Variants in ZFHX3 observed in about 807,000 individuals in gnomAD.
The protein encoded by ZFHX3 is zinc finger homeobox protein 3.
In ZFHX3, 42 loss-of-function variants were observed where a neutral mutation model predicts 279.1. The ratio of observed to expected loss-of-function variants is 0.15; its 90% CI spans 0.12 to 0.19. The LOEUF is 0.19. Among genes scored for constraint, ZFHX3 ranks in the 10% least tolerant of loss-of-function variants. The probability of loss-of-function intolerance (pLI) is 1.00; values close to 1 mark genes in which losing one functional copy is unlikely to be tolerated. For synonymous variants in ZFHX3, 2,293 were observed against 1,957.8 expected, an observed-to-expected ratio of 1.17 and a Z score of -4.52; for missense variants, 4,981 against 4,754.0, an observed-to-expected ratio of 1.05 and a Z score of -1.40.
chr16:73,549,710 C>G (rs2020174925), intron 2 of ZFHX3, among the ~76,000 whole-genome samples: 1 of 152,138 alleles, frequency 6.6e-6, no homozygotes, highest in African/African-American at 2.4e-5. Context: ...CAGAAAATGC[C>G]CCGGGTCTCC....
intron 3 of ZFHX3, among the ~76,000 whole-genome samples, chr16:73,350,835 T>C (rs937104156): frequency 2.0e-5 from 3 of 152,110 alleles, no homozygotes. Context: ...AGAAATCTCT[T>C]TGTAGGGAAG....
intron 1 of ZFHX3, among the ~76,000 whole-genome samples, chr16:73,816,601 G>A (rs1047491757): frequency 6.7e-6 from 1 of 149,722 alleles, no homozygotes; most frequent in Non-Finnish European, 1.5e-5. Flanking sequence ...ATCCAAAAAA[G>A]GCTGAACAAA....
rs1276365215 is a variant in ZFHX3 at position 72,796,950 on chromosome 16, T to C, written c.5732A>G (p.Asp1911Gly). The C allele has an allele frequency of 6.2e-7, 1 of 1,613,952 alleles. No individual in the cohort carries two copies. Among genetic ancestry groups the C allele is most frequent in the Non-Finnish European group, 8.5e-7 (1 of 1,180,020 alleles). The change falls in exon 9 of 10, where the codon GAT becomes GGT. Residue 1911 changes from aspartate (D) to glycine (G), a missense_variant. Asp to Gly is a moderately conservative substitution (Grantham distance 94). This residue lies in a region of ZFHX3 where 1,751 missense variants were observed against 1,770.0 expected (regional missense o/e 0.99). Transcript: ENST00000268489. ...GNTGPKETLP[D>G]ALKAKEKKEL... ...TTTCTTCTCTTTGGCCTTCAAGGCA[T>C]CTGGCAGTGTTTCCTTCGGACCGGT... is the stretch of plus-strand genomic sequence containing the variant.
At chr16:73,537,760 G>C (rs2019932870) in intron 2 of ZFHX3, among the ~76,000 whole-genome samples, 1 of 152,198 alleles carries the variant, frequency 6.6e-6, no homozygotes. Flanking sequence ...ATGAAAAGAT[G>C]CTGGTGCCAC....
intron 3 of ZFHX3, among the ~76,000 whole-genome samples, chr16:73,325,890 T>TACACACACACAAACACACAC (rs2015671068): frequency 2.9e-5 from 3 of 104,424 alleles, no homozygotes; most frequent in African/African-American, 9.3e-5. Context: ...GGTCTAATAA[T>TACACACACACAAACACACAC]ACACACACAC....
chr16:73,489,784 A>G (rs1033832767), intron 2 of ZFHX3, among the ~76,000 whole-genome samples: 2 of 152,194 alleles, frequency 1.3e-5, no homozygotes, highest in African/African-American at 4.8e-5. Context: ...TGCTTAAAAC[A>G]ATTTTTCTCT....
intron 1 of ZFHX3, among the ~76,000 whole-genome samples, chr16:73,762,197 GAAGATATTTATGTGGCCA>G (rs1392682388): frequency 6.6e-6 from 1 of 150,760 alleles, no homozygotes; most frequent in African/African-American, 2.4e-5. Context: ...CTTCTCCAAA[GAAGATATTTATGTGGCCA>G]ACAAACATAT....
At chr16:73,719,798 TAATTTTGTATTTTTAGTAGAGACAGG>T (rs1159108928) in intron 1 of ZFHX3, among the ~76,000 whole-genome samples, 1 of 7,638 alleles carries the variant, frequency 1.3e-4, no homozygotes, top group East Asian at 6.3e-3. Context: ...CAAGCCCAGC[TAATTTTGTATTTTTAGTAGAGACAGG>T]GTTTCTCCGT....
upstream of ZFHX3, among the ~76,000 whole-genome samples, chr16:73,050,853 G>A (rs1361725607): frequency 2.0e-5 from 3 of 152,160 alleles, no homozygotes; most frequent in Admixed American, 1.3e-4. Context: ...GGCAACAGCC[G>A]AAAGGATAAA....
At chr16:73,280,454 T>C (rs564657116) in intron 4 of ZFHX3, among the ~76,000 whole-genome samples, 1 of 152,074 alleles carries the variant, frequency 6.6e-6, no homozygotes, top group South Asian at 2.1e-4. Context: ...AGGAACTAAG[T>C]TGACATTTCT....
At chr16:73,622,565 A>AAAAG (rs143963139) in intron 2 of ZFHX3, among the ~76,000 whole-genome samples, 12,426 of 151,326 alleles carry the variant, frequency 0.082, 1,664 homozygotes, top group African/African-American at 0.28. Context: ...CTGTCTCCAA[A>AAAAG]AAAGAAAGAA....
chr16:73,451,860 G>C (rs917730395), intron 3 of ZFHX3, among the ~76,000 whole-genome samples: 2 of 152,174 alleles, frequency 1.3e-5, no homozygotes. Flanking sequence ...TGTTCCATGT[G>C]ATAAACACAA....
intron 3 of ZFHX3, among the ~76,000 whole-genome samples, chr16:73,429,948 T>C (rs1224752509): frequency 6.6e-6 from 1 of 152,176 alleles, no homozygotes; most frequent in African/African-American, 2.4e-5. Context: ...AGCGCAGTAG[T>C]GTGATCTCTG....
intron 8 of ZFHX3, among the ~76,000 whole-genome samples, chr16:73,080,338 C>T (rs1965929288): frequency 6.6e-6 from 1 of 152,160 alleles, no homozygotes; most frequent in South Asian, 2.1e-4. Flanking sequence ...AAGTTTGTGT[C>T]CTCCCAAAAG....
rs553481044 is a variant in ZFHX3, at chr16:73,579,131, G to C, written c.-1547+101049C>G. ...ACCTTAGTCTCCACAACCTCTTCTCGTAACCCAGACATCACTTTCTATTGA... is the reference window on the plus strand; with the variant it reads ...ACCTTAGTCTCCACAACCTCTTCTCCTAACCCAGACATCACTTTCTATTGA... On this transcript the variant is annotated intron_variant, in intron 2 of 17. Coordinates refer to the ZFHX3 transcript ENST00000641206. 6.6e-5 allele frequency among the ~76,000 whole-genome samples: 10 copies of C among 152,268 alleles called. No individual in the cohort carries two copies. In the East Asian group the frequency reaches 1.9e-3, roughly 29 times the overall value.
chr16:72,944,809 G>A (rs1056334589), intron 3 of ZFHX3, among the ~76,000 whole-genome samples: 1 of 151,972 alleles, frequency 6.6e-6, no homozygotes, highest in African/African-American at 2.4e-5. Context: ...AAAGGGTCTG[G>A]TCAGTTCTTT....
At chr16:73,385,577 C>T (rs2016886971) in intron 3 of ZFHX3, among the ~76,000 whole-genome samples, 2 of 152,196 alleles carry the variant, frequency 1.3e-5, no homozygotes, top group African/African-American at 4.8e-5. Context: ...TACGAGTCAA[C>T]TGAGCAACGT....
chr16:73,729,541 A>C (rs1270905655), intron 1 of ZFHX3, among the ~76,000 whole-genome samples: 2 of 46,160 alleles, frequency 4.3e-5, no homozygotes, highest in Admixed American at 2.7e-4. Flanking sequence ...AAACAAACAA[A>C]AAACAAACAA....
intron 4 of ZFHX3, among the ~76,000 whole-genome samples, chr16:73,283,816 GTGC>G (rs1391434322): frequency 6.6e-6 from 1 of 152,056 alleles, no homozygotes; most frequent in African/African-American, 2.4e-5. Context: ...AGGCCTGGTG[GTGC>G]ATGGTTGTCA....
Sources: gnomAD v4.1 joint callset for allele counts (sites outside exome capture counted in the v4.1 genomes callset) on GRCh38, gnomAD v4.1.1 for gene constraint, gnomAD v4.1.1 regional missense constraint, MANE v1.5 for transcripts, NCBI Gene and HGNC (gene_info 2026-07-23, HGNC 2026-07-21) for gene names.